RBM45: variants seen among roughly 807,000 people sequenced by gnomAD.
The protein encoded by RBM45 is RNA binding motif protein 45.
Under a neutral mutation model 58.5 loss-of-function variants are expected in RBM45, and 39 were observed. The observed-to-expected ratio is 0.67, with a 90% CI of 0.52 to 0.87. RBM45 has a LOEUF of 0.87. RBM45 is among the 40% of genes least tolerant of loss of function. The pLI, the probability that RBM45 is intolerant of heterozygous loss-of-function variation, is 0.00. For missense variants in RBM45, 481 were observed against 581.6 expected (o/e 0.83, Z 1.78); for synonymous variants, 193 against 203.0 (o/e 0.95, Z 0.42).
At chr2:178,138,420 G>A (rs150912724) in exon 4 of RBM45, 7 of 152,210 alleles carry the variant, frequency 4.6e-5, no homozygotes, top group African/African-American at 9.6e-5. Flanking sequence ...ACAATAACTC[G>A]TTTTAATAGA....
At chr2:178,127,296 T>A (rs1037777404) in intron 9 of RBM45, among the ~76,000 whole-genome samples, 5 of 152,244 alleles carry the variant, frequency 3.3e-5, no homozygotes, top group African/African-American at 1.2e-4. Flanking sequence ...TCCCACACAC[T>A]AACTTTCCAA....
downstream of RBM45, among the ~76,000 whole-genome samples, chr2:178,132,993 C>G (rs990640444): frequency 1.3e-5 from 2 of 152,098 alleles, no homozygotes; most frequent in Non-Finnish European, 2.9e-5. Context: ...TTTGAACAAG[C>G]TGTGGTTATG....
chr2:178,131,117 C>A (rs1037961996), downstream of RBM45, among the ~76,000 whole-genome samples: 4 of 152,080 alleles, frequency 2.6e-5, no homozygotes, highest in African/African-American at 9.7e-5. Flanking sequence ...TTTAAAAGAA[C>A]AAAGCAATGA....
At chr2:178,123,322 A>T (rs2087880150) in intron 5 of RBM45, among the ~76,000 whole-genome samples, 200 bp from the exon 6 acceptor site, 1 of 152,284 alleles carries the variant, frequency 6.6e-6, no homozygotes, top group Middle Eastern at 3.4e-3. Context: ...ATTTTTCCCT[A>T]AATTATTTCT....
At chr2:178,135,881 A>C (rs924514307) in intron 3 of RBM45, among the ~76,000 whole-genome samples, 1 of 152,232 alleles carries the variant, frequency 6.6e-6, no homozygotes, top group Admixed American at 6.5e-5. Flanking sequence ...ATTTATATCA[A>C]TCATAGAAAC....
chr2:178,134,577 T>TG (rs1476781703), downstream of RBM45, among the ~76,000 whole-genome samples: 10 of 152,018 alleles, frequency 6.6e-5, no homozygotes, highest in Non-Finnish European at 1.0e-4. Flanking sequence ...TCTGTTTTTT[T>TG]TTGTTGTTTT....
Position 178,123,096 on chromosome 2 carries a change from G to T in RBM45, c.854-426G>T, listed in dbSNP as rs576781671. On this transcript the variant is annotated intron_variant, in intron 5 of 9. Coordinates refer to ENST00000286070, the MANE Select transcript of RBM45 (RefSeq NM_152945.4). ...CCTCTCCCTACTGCTGCAGATAGCC[G>T]GGATGAGTATATATTCTTTTCAACT... Among the ~76,000 whole-genome samples, 9 of 152,038 alleles carry T rather than the reference G, an allele frequency of 5.9e-5. No homozygotes were observed. The South Asian group carries it at 1.7e-3, about 28-fold the overall frequency.
intron 9 of RBM45, among the ~76,000 whole-genome samples, chr2:178,128,951 T>A (rs1333539567): frequency 5.3e-5 from 8 of 152,304 alleles, no homozygotes; most frequent in Non-Finnish European, 8.8e-5. Flanking sequence ...TTTGTTTGTT[T>A]CTTTAATTTT....
intron 9 of RBM45, among the ~76,000 whole-genome samples, chr2:178,127,455 C>G (rs1245337166): frequency 6.6e-6 from 1 of 152,192 alleles, no homozygotes; most frequent in African/African-American, 2.4e-5. Flanking sequence ...TGCCAGGCCT[C>G]ACTGCTGATG....
chr2:178,115,844 A>G (rs1319590328), intron 1 of RBM45, among the ~76,000 whole-genome samples: 1 of 152,176 alleles, frequency 6.6e-6, no homozygotes, highest in Admixed American at 6.5e-5. Flanking sequence ...AGAGATTGGT[A>G]TTATCTCATA....
chr2:178,120,257 T>A, intron 3 of RBM45, 30 bp from the exon 4 acceptor site: 1 of 1,611,406 alleles, frequency 6.2e-7, no homozygotes, highest in South Asian at 1.1e-5. Flanking sequence ...AAATTTGCTG[T>A]GAAACTTGAA....
At position 178,116,432 on chromosome 2, in the gene RBM45, T is replaced by C. The variant is rs975363459; in HGVS notation, c.423+48T>C. On this transcript the variant is annotated intron_variant, in intron 2 of 9. Coordinates refer to ENST00000286070, the MANE Select transcript of RBM45 (RefSeq NM_152945.4). ...ATATGTGATAACTCATAGTCCTGCATAGGTTGTATGGGTACTAAATCTGAA... is the reference window on the plus strand; with the variant it reads ...ATATGTGATAACTCATAGTCCTGCACAGGTTGTATGGGTACTAAATCTGAA... 2.0e-6 allele frequency: 3 copies of C among 1,525,574 alleles called. No homozygotes were observed. The African/African-American group carries it at 4.2e-5, about 21-fold the overall frequency. The allele number at this position is 1,525,574 out of a possible 1,614,324, so 94.5% of individuals were successfully genotyped here. A position where few individuals can be genotyped will look rare whatever the true frequency, so the allele number is the denominator to read the frequency against.
intron 9 of RBM45, among the ~76,000 whole-genome samples, chr2:178,129,166 T>G (rs188130253): frequency 6.6e-6 from 1 of 152,338 alleles, no homozygotes; most frequent in East Asian, 1.9e-4. Context: ...TTTTAGTATT[T>G]CAGAGCATCA....
At chr2:178,115,358 T>C (rs977789025) in intron 1 of RBM45, among the ~76,000 whole-genome samples, 7 of 152,198 alleles carry the variant, frequency 4.6e-5, no homozygotes, top group African/African-American at 1.7e-4. Context: ...AATTTCATCT[T>C]ACCTGAGGTT....
downstream of RBM45, among the ~76,000 whole-genome samples, chr2:178,130,977 C>T (rs115692452): frequency 2.0e-3 from 306 of 152,222 alleles, 2 homozygotes; most frequent in Middle Eastern, 0.01. Flanking sequence ...GGTGCAGTGG[C>T]GCGACTGTAG....
intron 5 of RBM45, among the ~76,000 whole-genome samples, chr2:178,122,949 C>T (rs1244756446): frequency 6.6e-6 from 1 of 152,178 alleles, no homozygotes; most frequent in Non-Finnish European, 1.5e-5. Context: ...CCTTCAACAT[C>T]ACCCTCCTAA....
intron 3 of RBM45, among the ~76,000 whole-genome samples, chr2:178,135,212 G>T (rs2088035863): frequency 6.6e-6 from 1 of 152,176 alleles, no homozygotes; most frequent in South Asian, 2.1e-4. Context: ...TTACTTAAAG[G>T]ACTGACTTTA....
chr2:178,113,560 A>G (rs1055613194), intron 1 of RBM45, among the ~76,000 whole-genome samples: 7 of 152,244 alleles, frequency 4.6e-5, no homozygotes, highest in African/African-American at 1.4e-4. Context: ...TGCCTTAAGA[A>G]GAGCCAAATC....
At chr2:178,134,766 C>T (rs1236828632) in intron 3 of RBM45, among the ~76,000 whole-genome samples, 4 of 151,984 alleles carry the variant, frequency 2.6e-5, no homozygotes, top group South Asian at 4.1e-4. Context: ...CTGAGGTGGG[C>T]GGATCACTTG....
Sources: allele counts gnomAD v4.1 joint callset (sites outside exome capture counted in the v4.1 genomes callset), GRCh38; gene constraint gnomAD v4.1.1; transcripts MANE v1.5; gene names NCBI Gene and HGNC (gene_info 2026-07-23, HGNC 2026-07-21).